Variants in ELK3 observed in about 807,000 individuals in gnomAD.
ELK3 encodes the protein ETS domain-containing protein Elk-3.
Under a neutral mutation model 28.9 loss-of-function variants are expected in ELK3, and 10 were observed. The ratio of observed to expected loss-of-function variants is 0.35; its 90% confidence interval spans 0.21 to 0.59. The LOEUF is 0.59. Among genes scored for constraint, ELK3 ranks in the 20% least tolerant of loss-of-function variants. The pLI, the probability that ELK3 is intolerant of heterozygous loss-of-function variation, is 0.82. For synonymous variants in ELK3, 272 were observed against 243.5 expected, an observed-to-expected ratio of 1.12 and a Z score of -1.09; for missense variants, 463 against 517.3, an observed-to-expected ratio of 0.90 and a Z score of 1.02.
chr12:96,196,324 G>C (rs1359186277), intron 1 of ELK3, among the ~76,000 whole-genome samples: 1 of 152,000 alleles, frequency 6.6e-6, no homozygotes, highest in Non-Finnish European at 1.5e-5. Flanking sequence ...CAGATTTGCA[G>C]GTTTTTCTTT....
At chr12:96,253,876 T>G (rs1951926439) in intron 3 of ELK3, among the ~76,000 whole-genome samples, 1 of 152,202 alleles carries the variant, frequency 6.6e-6, no homozygotes, top group African/African-American at 2.4e-5. Context: ...GATACAGAGG[T>G]TAGCAAGATA....
chr12:96,267,270 T>C lies in ELK3; in HGVS notation c.*90T>C, dbSNP rs923570432. ...TACCTGTGTCGTGAGAAGGACATTG[T>C]GAAACTCTTGTTAATTTGGTTTGCA... On this transcript the variant is annotated 3_prime_UTR_variant, in exon 5 of 5. Coordinates refer to ENST00000228741, the MANE Select transcript of ELK3 (RefSeq NM_005230.4). The C allele has an allele frequency of 1.8e-6, 2 of 1,088,748 alleles. No homozygotes were observed. The highest frequency in any genetic ancestry group is 2.6e-6 in the Non-Finnish European group (2 of 764,396). The allele number at this position is 1,088,748 out of a possible 1,614,324, so 67.4% of individuals were successfully genotyped here.
At chr12:96,199,526 A>C (rs1236315083) in intron 1 of ELK3, among the ~76,000 whole-genome samples, 1 of 148,960 alleles carries the variant, frequency 6.7e-6, no homozygotes, top group Non-Finnish European at 1.5e-5. Flanking sequence ...CCTTCTGTGA[A>C]ATTCTAAATG....
At chr12:96,224,289 C>T (rs974290498) in intron 2 of ELK3, among the ~76,000 whole-genome samples, 3 of 152,030 alleles carry the variant, frequency 2.0e-5, no homozygotes, top group African/African-American at 4.8e-5. Context: ...TGGTGATGAC[C>T]GACCGAGCCA....
intron 1 of ELK3, among the ~76,000 whole-genome samples, chr12:96,216,197 G>C (rs970668693): frequency 6.6e-6 from 1 of 151,954 alleles, no homozygotes; most frequent in African/African-American, 2.4e-5. Flanking sequence ...TTCTTTCTTC[G>C]CTATCTGACC....
intron 2 of ELK3, among the ~76,000 whole-genome samples, chr12:96,243,436 T>C (rs183874994): frequency 0.044 from 6,731 of 152,308 alleles, 212 homozygotes; most frequent in Non-Finnish European, 0.067. Context: ...AATCATAGAA[T>C]AGAATATTCT....
At chr12:96,235,378 G>C (rs1361365374) in intron 2 of ELK3, among the ~76,000 whole-genome samples, 1 of 151,998 alleles carries the variant, frequency 6.6e-6, no homozygotes, top group Non-Finnish European at 1.5e-5. Context: ...TTCTCCTGCT[G>C]TCATTGCGTC....
intron 3 of ELK3, among the ~76,000 whole-genome samples, chr12:96,259,088 C>CTATTTTGT (rs1235675877): frequency 6.6e-6 from 1 of 152,130 alleles, no homozygotes; most frequent in Non-Finnish European, 1.5e-5. Context: ...TTATGGGATC[C>CTATTTTGT]TATTTTGTTT....
intron 4 of ELK3, among the ~76,000 whole-genome samples, chr12:96,261,824 C>T (rs186078873): frequency 1.3e-5 from 2 of 152,238 alleles, no homozygotes; most frequent in East Asian, 1.9e-4. Flanking sequence ...TGATTCGACA[C>T]GTTATCAGGA....
rs1416746905 is a variant in ELK3 at position 96,210,597 on chromosome 12, A to ACACACACACC, written c.-2-12967_-2-12966insACACACACCC. Reference sequence around the variant, plus strand: ...CACACACACACACACACACACACACACCCCGAGTGGGAGGTCCAGGGGCAC... The same window carrying ACACACACACC: ...CACACACACACACACACACACACACACACACACACCCCCCGAGTGGGAGGTCCAGGGGCAC... On this transcript the variant is annotated intron_variant, in intron 1 of 4. Coordinates refer to ENST00000228741, the MANE Select transcript of ELK3 (RefSeq NM_005230.4). Among the ~76,000 whole-genome samples the ACACACACACC allele has an allele frequency of 3.8e-3, 564 of 148,990 alleles. 4 individuals carry two copies. Among genetic ancestry groups the ACACACACACC allele is most frequent in the East Asian group, 4.9e-3 (25 of 5,090 alleles).
At chr12:96,223,163 A>G (rs1318813074) in intron 1 of ELK3, among the ~76,000 whole-genome samples, 3 of 152,170 alleles carry the variant, frequency 2.0e-5, no homozygotes, top group East Asian at 3.8e-4. Flanking sequence ...CATCCAAACT[A>G]TATCACGGAC....
intron 4 of ELK3, among the ~76,000 whole-genome samples, chr12:96,263,500 T>C (rs574072595): frequency 3.3e-5 from 5 of 152,352 alleles, no homozygotes; most frequent in Non-Finnish European, 5.9e-5. Flanking sequence ...CAATTAAGAA[T>C]GTGTGCTGTA....
chr12:96,200,129 T>G (rs999463247), intron 1 of ELK3, among the ~76,000 whole-genome samples: 1 of 152,330 alleles, frequency 6.6e-6, no homozygotes, highest in South Asian at 2.1e-4. Flanking sequence ...ATATATATCA[T>G]GTATAGTAAT....
intron 3 of ELK3, among the ~76,000 whole-genome samples, chr12:96,249,545 T>C (rs1296022027): frequency 6.6e-6 from 1 of 152,118 alleles, no homozygotes; most frequent in Non-Finnish European, 1.5e-5. Flanking sequence ...GGGGAGTATC[T>C]TGAGAGGCAG....
At chr12:96,242,454 C>T (rs532039987) in intron 2 of ELK3, among the ~76,000 whole-genome samples, 1 of 152,334 alleles carries the variant, frequency 6.6e-6, no homozygotes, top group South Asian at 2.1e-4. Context: ...AATACGTGCT[C>T]AGCACATACT....
intron 1 of ELK3, among the ~76,000 whole-genome samples, chr12:96,217,434 C>G (rs1951626324): frequency 6.6e-6 from 1 of 152,184 alleles, no homozygotes; most frequent in Non-Finnish European, 1.5e-5. Context: ...CCATTGACTC[C>G]CACCCCTAGT....
chr12:96,259,754 T>C lies in ELK3; in HGVS notation c.1026T>C (p.Thr342=). 6.2e-7 allele frequency: 1 copy of C among 1,610,704 alleles called. No individual in the cohort carries two copies. The highest frequency in any genetic ancestry group is 8.5e-7 in the Non-Finnish European group (1 of 1,178,734). ...TAQTPNGLLL[T]PSPLLSSIHF... ...AGACACCAAATGGATTGCTTCTGAC[T>C]CCGAGTCCACTGCTCTCCAGCATAC... Residue 342 remains threonine (T), a synonymous_variant, in exon 4 of 5, where the codon ACT becomes ACC. Coordinates refer to ENST00000228741, the MANE Select transcript of ELK3 (RefSeq NM_005230.4).
chr12:96,212,250 C>G (rs934442322), intron 1 of ELK3, among the ~76,000 whole-genome samples: 1 of 152,118 alleles, frequency 6.6e-6, no homozygotes, highest in Admixed American at 6.5e-5. Flanking sequence ...AACTGCGGGA[C>G]GTGCTTCAAG....
chr12:96,250,321 G>A (rs577747490), intron 3 of ELK3, among the ~76,000 whole-genome samples: 11 of 152,326 alleles, frequency 7.2e-5, no homozygotes, highest in Middle Eastern at 3.4e-3. Flanking sequence ...AGAGGGGCCC[G>A]GGTGGTAGTC....
Sources: gnomAD v4.1 joint callset for allele counts (sites outside exome capture counted in the v4.1 genomes callset) on GRCh38, gnomAD v4.1.1 for gene constraint, MANE v1.5 for transcripts, NCBI Gene and HGNC (gene_info 2026-07-23, HGNC 2026-07-21) for gene names.